The following PKIA variants were observed in gnomAD, a reference collection of about 807,000 sequenced individuals.
PKIA encodes the protein cAMP-dependent protein kinase inhibitor alpha, also known as PKI-alpha.
In PKIA, 4 loss-of-function variants were observed where a neutral mutation model predicts 7.6. The ratio of observed to expected loss-of-function variants is 0.52; its 90% CI spans 0.26 to 1.20. PKIA has a LOEUF of 1.20. PKIA is among the 50% of genes most tolerant of loss of function. The pLI, the probability that PKIA is intolerant of heterozygous loss-of-function variation, is 0.13. For missense variants in PKIA, 73 were observed against 86.2 expected (o/e 0.85, Z 0.61); for synonymous variants, 21 against 30.7 (o/e 0.68, Z 1.04).
intron 2 of PKIA, among the ~76,000 whole-genome samples, chr8:78,598,067 A>T (rs938097821): frequency 6.8e-6 from 1 of 148,002 alleles, no homozygotes; most frequent in Non-Finnish European, 1.5e-5. Flanking sequence ...ACATAATAAT[A>T]TGTATTATTA....
intron 1 of PKIA, chr8:78,558,635 G>A (rs1807209279): frequency 8.0e-6 from 1 of 125,742 alleles, no homozygotes; most frequent in South Asian, 2.5e-4. Context: ...ACCTCCACCT[G>A]GGTCCCTCCT....
At chr8:78,587,862 G>T (rs1269662197) in intron 2 of PKIA, among the ~76,000 whole-genome samples, 1 of 152,062 alleles carries the variant, frequency 6.6e-6, no homozygotes, top group East Asian at 1.9e-4. Flanking sequence ...AATGAACTGG[G>T]TAAGAATAAG....
intron 3 of PKIA, among the ~76,000 whole-genome samples, chr8:78,601,004 T>A (rs925230315): frequency 2.0e-5 from 3 of 152,126 alleles, no homozygotes; most frequent in Non-Finnish European, 4.4e-5. Context: ...ATGCAGATAT[T>A]TGAATCTGAG....
At chr8:78,571,325 T>C (rs930928532) in intron 1 of PKIA, among the ~76,000 whole-genome samples, 2 of 152,096 alleles carry the variant, frequency 1.3e-5, no homozygotes, top group Non-Finnish European at 2.9e-5. Context: ...ACTTACAAGA[T>C]AACCTTTAAT....
chr8:78,592,299 A>G lies in PKIA; in HGVS notation c.-27-6059A>G, dbSNP rs530660335. ...ATTTGTTGTGTGCTATTTGTTAGCT[A>G]TTGCTCTTTTATTGGAAAATAGATC... On this transcript the variant is annotated intron_variant, in intron 2 of 3. Transcript: ENST00000396418. 3.7e-4 allele frequency among the ~76,000 whole-genome samples: 56 copies of G among 152,192 alleles called. No individual in the cohort carries two copies. In the South Asian group the frequency reaches 0.011, roughly 30 times the overall value.
At chr8:78,567,584 G>A (rs553245328) in intron 1 of PKIA, among the ~76,000 whole-genome samples, 8 of 151,856 alleles carry the variant, frequency 5.3e-5, no homozygotes, top group East Asian at 1.9e-4. Flanking sequence ...TGAGATAGTC[G>A]TCATCATCAG....
rs1057209880 is a variant in PKIA, at chr8:78,604,953, C to T, written c.*3132C>T. On this transcript the variant is annotated 3_prime_UTR_variant, in exon 4 of 4. Transcript: ENST00000396418. ...CTTACTTAGATGCTGTGGTAATGCA[C>T]CATTTTAGAAGATGAATGATACTGC... 1 of 151,892 alleles carries T rather than the reference C, an allele frequency of 6.6e-6. No homozygotes were observed. The highest frequency in any genetic ancestry group is 1.5e-5 in the Non-Finnish European group (1 of 67,956). The allele number at this position is 151,892 out of a possible 1,614,324, so 9.4% of individuals were successfully genotyped here. A position where few individuals can be genotyped will look rare whatever the true frequency, so the allele number is the denominator to read the frequency against.
intron 1 of PKIA, among the ~76,000 whole-genome samples, chr8:78,523,969 A>AACATTTATATTTATAAATATATAT: frequency 8.1e-6 from 1 of 123,124 alleles, no homozygotes; most frequent in African/African-American, 2.9e-5. Context: ...TAAATATATA[A>AACATTTATATTTATAAATATATAT]ACATTTATAT....
Position 78,519,933 on chromosome 8 carries a change from C to A in PKIA, c.-157+3465C>A, listed in dbSNP as rs147263308. ...GCCTTCCCCATACCCATCTTCCTTC[C>A]CCAACCAGATGTGCCCCTCTCTTGT... On this transcript the variant is annotated intron_variant, in intron 1 of 3. Coordinates refer to ENST00000396418, the MANE Select transcript of PKIA (RefSeq NM_006823.4). 4.1e-4 allele frequency among the ~76,000 whole-genome samples: 63 copies of A among 152,238 alleles called. No homozygotes were observed. In the East Asian group the frequency reaches 0.011, roughly 26 times the overall value.
At chr8:78,546,335 G>C (rs1012797778) in intron 1 of PKIA, among the ~76,000 whole-genome samples, 11 of 106,142 alleles carry the variant, frequency 1.0e-4, no homozygotes. Flanking sequence ...AGAAGGAAGA[G>C]ACAGACGGTC....
chr8:78,534,053 A>T (rs974141963), intron 1 of PKIA: 1 of 152,156 alleles, frequency 6.6e-6, no homozygotes, highest in African/African-American at 2.4e-5. Flanking sequence ...AAACTCAAAT[A>T]GTAATTATCC....
intron 2 of PKIA, among the ~76,000 whole-genome samples, chr8:78,594,603 A>T (rs1464928873): frequency 6.6e-6 from 1 of 152,166 alleles, no homozygotes; most frequent in Non-Finnish European, 1.5e-5. Flanking sequence ...TTTTACAGGG[A>T]CTAAATATGA....
chr8:78,524,601 C>T (rs1352674042), intron 1 of PKIA, among the ~76,000 whole-genome samples: 1 of 151,716 alleles, frequency 6.6e-6, no homozygotes, highest in African/African-American at 2.4e-5. Flanking sequence ...TGAGACTCTC[C>T]ATTGATAAAA....
intron 2 of PKIA, among the ~76,000 whole-genome samples, chr8:78,589,264 T>A (rs541145269): frequency 6.6e-6 from 1 of 152,090 alleles, no homozygotes; most frequent in Non-Finnish European, 1.5e-5. Context: ...AAATAAAATT[T>A]AAAGAGCATA....
chr8:78,537,828 C>T (rs188531856), intron 1 of PKIA, among the ~76,000 whole-genome samples: 2 of 152,162 alleles, frequency 1.3e-5, no homozygotes, highest in African/African-American at 4.8e-5. Flanking sequence ...AATGGGCCTT[C>T]TGCTGCAGAC....
intron 1 of PKIA, among the ~76,000 whole-genome samples, chr8:78,541,469 T>C (rs968941709): frequency 6.6e-6 from 1 of 152,164 alleles, no homozygotes; most frequent in Non-Finnish European, 1.5e-5. Context: ...TCTCTAACCA[T>C]TGAATTAAGC....
intron 1 of PKIA, among the ~76,000 whole-genome samples, chr8:78,529,258 T>C (rs1043463742): frequency 6.6e-6 from 1 of 152,120 alleles, no homozygotes; most frequent in Non-Finnish European, 1.5e-5. Context: ...AAATTCATTG[T>C]ACCACATCAG....
chr8:78,526,651 T>C (rs1434121939), intron 1 of PKIA, among the ~76,000 whole-genome samples: 1 of 152,000 alleles, frequency 6.6e-6, no homozygotes, highest in Non-Finnish European at 1.5e-5. Context: ...CTGTGATACA[T>C]TTCTATTTTA....
intron 1 of PKIA, among the ~76,000 whole-genome samples, chr8:78,565,043 CT>C (rs1807370321): frequency 6.6e-6 from 1 of 151,350 alleles, no homozygotes; most frequent in Admixed American, 6.6e-5. Context: ...TTTTTGGCCC[CT>C]TTTTAAAGAC....
Sources: allele counts gnomAD v4.1 joint callset (sites outside exome capture counted in the v4.1 genomes callset), GRCh38; gene constraint gnomAD v4.1.1; transcripts MANE v1.5; gene names NCBI Gene and HGNC (gene_info 2026-07-23, HGNC 2026-07-21).